The following TTC28 variants were observed in gnomAD, a reference collection of about 807,000 sequenced individuals.
TTC28 encodes the protein tetratricopeptide repeat protein 28.
TTC28 carries 61 observed loss-of-function variants against 198.0 expected under a neutral mutation model. The ratio of observed to expected loss-of-function variants is 0.31; its 90% confidence interval spans 0.25 to 0.38. The LOEUF is 0.38. Ranked by LOEUF, TTC28 falls within the 10% of genes least tolerant of loss-of-function variation. The pLI, the probability that TTC28 is intolerant of heterozygous loss-of-function variation, is 1.00. For missense variants in TTC28, 2,678 were observed against 3,164.0 expected (o/e 0.85, Z 3.69); for synonymous variants, 1,171 against 1,297.8 (o/e 0.90, Z 2.10).
chr22:28,298,319 T>C (rs1196550927), intron 3 of TTC28, among the ~76,000 whole-genome samples: 1 of 152,210 alleles, frequency 6.6e-6, no homozygotes, highest in Non-Finnish European at 1.5e-5. Flanking sequence ...CGTATTAATT[T>C]TTTAAATATT....
At chr22:28,181,632 C>T (rs1325047603) in intron 5 of TTC28, among the ~76,000 whole-genome samples, 1 of 152,132 alleles carries the variant, frequency 6.6e-6, no homozygotes, top group Non-Finnish European at 1.5e-5. Context: ...AGAATGCCTG[C>T]TACTTCCTCC....
chr22:28,249,264 G>A (rs940695564), intron 5 of TTC28, among the ~76,000 whole-genome samples: 3 of 152,140 alleles, frequency 2.0e-5, no homozygotes, highest in Admixed American at 1.3e-4. Flanking sequence ...CTGCCCCACT[G>A]GGTAGCTCTG....
intron 6 of TTC28, among the ~76,000 whole-genome samples, chr22:28,141,499 A>G (rs1943333107): frequency 6.6e-6 from 1 of 152,218 alleles, no homozygotes; most frequent in Admixed American, 6.5e-5. Context: ...ACAGTAAGAA[A>G]GCGGATACAT....
chr22:28,575,242 G>A (rs993425218), intron 2 of TTC28, among the ~76,000 whole-genome samples: 1 of 152,124 alleles, frequency 6.6e-6, no homozygotes, highest in Admixed American at 6.6e-5. Flanking sequence ...TTCTCCATAT[G>A]GATATCCAGT....
At chr22:28,021,222 C>A (rs772626942) in intron 13 of TTC28, among the ~76,000 whole-genome samples, 17 of 152,210 alleles carry the variant, frequency 1.1e-4, no homozygotes, top group Non-Finnish European at 2.1e-4. Flanking sequence ...TCTGGCCCTA[C>A]TGTCTCTGCA....
chr22:28,321,239 G>T (rs1002421722), intron 2 of TTC28, among the ~76,000 whole-genome samples: 3 of 152,106 alleles, frequency 2.0e-5, no homozygotes, highest in Admixed American at 6.6e-5. Flanking sequence ...ATAGTGGCCT[G>T]TTTGGTTCAA....
chr22:28,582,543 A>G (rs976853179), intron 2 of TTC28, among the ~76,000 whole-genome samples: 2 of 152,190 alleles, frequency 1.3e-5, no homozygotes, highest in African/African-American at 4.8e-5. Flanking sequence ...AGAAAAGGAG[A>G]TTGAAATCCA....
intron 2 of TTC28, among the ~76,000 whole-genome samples, chr22:28,582,331 AT>A (rs2050244633): frequency 6.6e-6 from 1 of 152,188 alleles, no homozygotes; most frequent in African/African-American, 2.4e-5. Context: ...TTACACATAG[AT>A]TATGTCTCAC....
At chr22:28,466,125 C>CT in intron 2 of TTC28, among the ~76,000 whole-genome samples, 1 of 152,292 alleles carries the variant, frequency 6.6e-6, no homozygotes, top group South Asian at 2.1e-4. Context: ...ATTGGGGGAA[C>CT]AGCTAGCAAT....
At chr22:28,417,163 A>C (rs2083160046) in intron 2 of TTC28, among the ~76,000 whole-genome samples, 1 of 151,914 alleles carries the variant, frequency 6.6e-6, no homozygotes, top group South Asian at 2.1e-4. Flanking sequence ...CTGAGGTGGG[A>C]GGATGGCTTG....
At chr22:28,182,218 C>G (rs1923766969) in intron 5 of TTC28, among the ~76,000 whole-genome samples, 1 of 152,132 alleles carries the variant, frequency 6.6e-6, no homozygotes, top group African/African-American at 2.4e-5. Flanking sequence ...ACTACAGTTT[C>G]CTATGGAATA....
intron 2 of TTC28, among the ~76,000 whole-genome samples, chr22:28,483,165 C>CTT (rs1424123240): frequency 6.6e-6 from 1 of 152,032 alleles, no homozygotes; most frequent in African/African-American, 2.4e-5. Flanking sequence ...TTCTGAGCAC[C>CTT]AGACATGTAT....
At position 28,102,886 on chromosome 22, in the gene TTC28, T is replaced by C. The variant is rs750195889; in HGVS notation, c.3308-1606A>G. 2.0e-5 allele frequency among the ~76,000 whole-genome samples: 3 copies of C among 152,192 alleles called. No individual in the cohort carries two copies. In the South Asian group the frequency reaches 6.2e-4, roughly 32 times the overall value. Reference sequence around the variant, plus strand: ...ACATCTCACAGAATAGAAAAACATATGAAAGAAGATGGTTCTTGGGAGAAA... The same window carrying C: ...ACATCTCACAGAATAGAAAAACATACGAAAGAAGATGGTTCTTGGGAGAAA... On this transcript the variant is annotated intron_variant, in intron 8 of 22. Coordinates refer to ENST00000397906, the MANE Select transcript of TTC28 (RefSeq NM_001145418.2).
chr22:28,030,032 T>G (rs1039067761), intron 13 of TTC28, among the ~76,000 whole-genome samples, 194 bp downstream of exon 13: 3 of 152,246 alleles, frequency 2.0e-5, no homozygotes, highest in African/African-American at 7.2e-5. Context: ...GTTTTCTCGC[T>G]TGAGCTGGAG....
At chr22:28,579,195 C>G (rs1160505941) in intron 2 of TTC28, among the ~76,000 whole-genome samples, 1 of 149,982 alleles carries the variant, frequency 6.7e-6, no homozygotes, top group Non-Finnish European at 1.5e-5. Context: ...TATATACATA[C>G]ATTATATATA....
chr22:28,322,323 C>A (rs961498856), intron 2 of TTC28, among the ~76,000 whole-genome samples: 2 of 152,036 alleles, frequency 1.3e-5, no homozygotes, highest in African/African-American at 4.8e-5. Flanking sequence ...GCAGCCTGCC[C>A]AGTCAACTGC....
chr22:28,326,542 C>A (rs1479202798), intron 2 of TTC28, among the ~76,000 whole-genome samples: 1 of 152,074 alleles, frequency 6.6e-6, no homozygotes, highest in African/African-American at 2.4e-5. Flanking sequence ...TATTTTTTCA[C>A]AGCATTGGCA....
intron 12 of TTC28, among the ~76,000 whole-genome samples, chr22:28,035,502 A>C (rs1035844650): frequency 3.9e-4 from 59 of 152,354 alleles, no homozygotes; most frequent in African/African-American, 1.3e-3. Context: ...TAACTGTGCC[A>C]GCACCCTATG....
At chr22:28,316,082 C>T (rs957000646) in intron 2 of TTC28, among the ~76,000 whole-genome samples, 1 of 152,134 alleles carries the variant, frequency 6.6e-6, no homozygotes, top group Non-Finnish European at 1.5e-5. Context: ...GCTTGAGTTA[C>T]TCCATATTGC....
Sources: allele counts gnomAD v4.1 joint callset (sites outside exome capture counted in the v4.1 genomes callset), GRCh38; gene constraint gnomAD v4.1.1; transcripts MANE v1.5; gene names NCBI Gene and HGNC (gene_info 2026-07-23, HGNC 2026-07-21).